TEAD1: variants seen among roughly 807,000 people sequenced by gnomAD.
TEAD1 encodes the protein transcriptional enhancer factor TEF-1.
A neutral mutation model predicts 54.9 loss-of-function variants in TEAD1; 9 were observed. That is an observed-to-expected ratio of 0.16 (90% CI 0.10 to 0.29). TEAD1 has a LOEUF of 0.29. Ranked by LOEUF, TEAD1 falls within the 10% of genes least tolerant of loss-of-function variation. TEAD1 has a pLI of 1.00. For synonymous variants in TEAD1, 200 were observed against 187.8 expected, an observed-to-expected ratio of 1.07 and a Z score of -0.53; for missense variants, 387 against 535.9, an observed-to-expected ratio of 0.72 and a Z score of 2.74.
chr11:12,849,987 TCAA>T (rs1947237949), intron 3 of TEAD1, among the ~76,000 whole-genome samples: 1 of 152,204 alleles, frequency 6.6e-6, no homozygotes, highest in Admixed American at 6.5e-5. Context: ...ATGTTCAATT[TCAA>T]CAACATTAGC....
chr11:12,915,569 T>TG (rs1255448698), intron 10 of TEAD1, among the ~76,000 whole-genome samples: 1 of 152,216 alleles, frequency 6.6e-6, no homozygotes, highest in African/African-American at 2.4e-5. Flanking sequence ...CCAGGATGGC[T>TG]GGGCATGGTG....
chr11:12,712,838 G>A (rs148140998), intron 2 of TEAD1, among the ~76,000 whole-genome samples: 1 of 152,274 alleles, frequency 6.6e-6, no homozygotes, highest in Non-Finnish European at 1.5e-5. Context: ...CCTGTGGGAA[G>A]ACTTCATTAG....
At chr11:12,885,476 A>T (rs1437653534) in intron 9 of TEAD1, among the ~76,000 whole-genome samples, 1 of 151,966 alleles carries the variant, frequency 6.6e-6, no homozygotes, top group African/African-American at 2.4e-5. Context: ...TGACCTTGTG[A>T]TCTGCCCGCC....
At chr11:12,719,966 TTTTTTTTTTTTTTTTTTTTTTTTTTTTTG>T (rs1944153823) in intron 2 of TEAD1, among the ~76,000 whole-genome samples, 23 of 47,292 alleles carry the variant, frequency 4.9e-4, no homozygotes, top group South Asian at 1.5e-3. Context: ...TTTTTTTTTT[TTTTTTTTTTTTTTTTTTTTTTTTTTTTTG>T]GGGGGGGACC....
chr11:12,679,571 A>G (rs1307579263), intron 2 of TEAD1, among the ~76,000 whole-genome samples: 1 of 152,230 alleles, frequency 6.6e-6, no homozygotes, highest in African/African-American at 2.4e-5. Context: ...ATGGTGGGAA[A>G]TGTTAATTAT....
chr11:12,902,019 G>A lies in TEAD1; in HGVS notation c.779G>A (p.Arg260His), dbSNP rs765934753. 21 of 1,614,076 alleles carry A rather than the reference G, an allele frequency of 1.3e-5. No individual in the cohort carries two copies. The highest frequency in any genetic ancestry group is 3.3e-5 in the Admixed American group (2 of 60,010). The change falls in exon 10 of 13, where the codon CGT becomes CAT. Residue 260 changes from arginine to histidine, a missense_variant. Arg to His is a conservative substitution (Grantham distance 29). This residue lies in a region of TEAD1 where 180 missense variants were observed against 180.6 expected (regional missense o/e 1.00). Transcript: ENST00000527636. ...CCATTGCTTGAATCAGTGGACATTC[G>A]TCAGATTTATGACAAATTTCCTGAA...
chr11:12,759,276 C>T (rs942008125), intron 2 of TEAD1, among the ~76,000 whole-genome samples: 4 of 151,996 alleles, frequency 2.6e-5, no homozygotes, highest in African/African-American at 9.7e-5. Context: ...ACTGTCTTAT[C>T]CCGGTCATCC....
chr11:12,695,179 C>CT (rs1370416731), intron 2 of TEAD1, among the ~76,000 whole-genome samples: 1 of 152,236 alleles, frequency 6.6e-6, no homozygotes, highest in Non-Finnish European at 1.5e-5. Context: ...TCAGGCCTCA[C>CT]TAAAAGGCTC....
chr11:12,689,429 C>T (rs934317142), intron 2 of TEAD1, among the ~76,000 whole-genome samples: 1 of 152,190 alleles, frequency 6.6e-6, no homozygotes, highest in Admixed American at 6.5e-5. Context: ...CCTCTTTATC[C>T]TTCTGAAGCA....
At chr11:12,797,489 GC>G (rs1945957922) in intron 3 of TEAD1, among the ~76,000 whole-genome samples, 1 of 151,436 alleles carries the variant, frequency 6.6e-6, no homozygotes, top group Non-Finnish European at 1.5e-5. Flanking sequence ...CCCCTGGTGT[GC>G]CACCCACCCC....
At chr11:12,679,971 A>T (rs1943182060) in intron 2 of TEAD1, among the ~76,000 whole-genome samples, 1 of 152,236 alleles carries the variant, frequency 6.6e-6, no homozygotes, top group South Asian at 2.1e-4. Context: ...TTTGAAAACC[A>T]GTGTTTTTCT....
intron 3 of TEAD1, among the ~76,000 whole-genome samples, chr11:12,817,940 G>T (rs1260558108): frequency 6.6e-6 from 1 of 152,218 alleles, no homozygotes; most frequent in Non-Finnish European, 1.5e-5. Context: ...ACACATTGTG[G>T]TTATTAGCTG....
chr11:12,840,202 G>A (rs908797998), intron 3 of TEAD1, among the ~76,000 whole-genome samples: 1 of 143,610 alleles, frequency 7.0e-6, no homozygotes, highest in African/African-American at 2.6e-5. Context: ...AGCCTGGATC[G>A]CGCCACTGCA....
chr11:12,874,174 A>G (rs1009201273), intron 5 of TEAD1, among the ~76,000 whole-genome samples: 2 of 152,212 alleles, frequency 1.3e-5, no homozygotes, highest in Non-Finnish European at 2.9e-5. Flanking sequence ...CAGCTATCAT[A>G]TATTGTATAT....
At chr11:12,754,865 C>G (rs1169301660) in intron 2 of TEAD1, among the ~76,000 whole-genome samples, 2 of 152,290 alleles carry the variant, frequency 1.3e-5, no homozygotes, top group Admixed American at 6.5e-5. Context: ...GAATGCCTGT[C>G]TCAATAATTT....
At chr11:12,699,266 A>G (rs564779551) in intron 2 of TEAD1, among the ~76,000 whole-genome samples, 3 of 152,218 alleles carry the variant, frequency 2.0e-5, no homozygotes, top group South Asian at 4.1e-4. Context: ...TAGCTCTATA[A>G]TGTGTATACC....
At chr11:12,724,425 A>G (rs1178372048) in intron 2 of TEAD1, among the ~76,000 whole-genome samples, 1 of 152,208 alleles carries the variant, frequency 6.6e-6, no homozygotes, top group African/African-American at 2.4e-5. Flanking sequence ...ATTTATTTGT[A>G]CTGTCTGTGG....
chr11:12,796,757 T>C (rs1281914594), intron 3 of TEAD1, among the ~76,000 whole-genome samples: 1 of 151,816 alleles, frequency 6.6e-6, no homozygotes, highest in Non-Finnish European at 1.5e-5. Flanking sequence ...ATTCTTGTTA[T>C]ATCAATAAAC....
At chr11:12,883,321 A>G (rs1441347167) in intron 9 of TEAD1, among the ~76,000 whole-genome samples, 196 bp downstream of exon 9, 2 of 152,220 alleles carry the variant, frequency 1.3e-5, no homozygotes, top group African/African-American at 4.8e-5. Context: ...AGAAAACAGC[A>G]GAGCAGGAGG....
Sources: gnomAD v4.1 joint callset for allele counts (sites outside exome capture counted in the v4.1 genomes callset) on GRCh38, gnomAD v4.1.1 for gene constraint, gnomAD v4.1.1 regional missense constraint, MANE v1.5 for transcripts, NCBI Gene and HGNC (gene_info 2026-07-23, HGNC 2026-07-21) for gene names.